Variants in PRELID2 observed in about 807,000 individuals in gnomAD.
The protein encoded by PRELID2 is PRELI domain-containing protein 2.
Under a neutral mutation model 28.4 loss-of-function variants are expected in PRELID2, and 25 were observed. The observed-to-expected ratio is 0.88, with a 90% CI of 0.64 to 1.23. The LOEUF (loss-of-function observed/expected upper bound fraction) is 1.23, where lower values mean the gene tolerates loss of function less well. PRELID2 is among the 50% of genes most tolerant of loss of function. PRELID2 has a pLI of 0.00. For missense variants in PRELID2, 201 were observed against 214.4 expected (o/e 0.94, Z 0.39); for synonymous variants, 76 against 71.6 (o/e 1.06, Z -0.31).
At chr5:145,659,277 T>C (rs757477076) in intron 1 of PRELID2, among the ~76,000 whole-genome samples, 6 of 152,222 alleles carry the variant, frequency 3.9e-5, no homozygotes, top group Non-Finnish European at 7.3e-5. Flanking sequence ...ATCTCATTGA[T>C]TCCATCTGGA....
chr5:145,436,619 G>A, the PRELID2 span, among the ~76,000 whole-genome samples: 16 of 152,002 alleles, frequency 1.1e-4, no homozygotes, highest in South Asian at 2.1e-4. Flanking sequence ...TGTTTTTTAC[G>A]TTTTAATAAT....
the PRELID2 span, among the ~76,000 whole-genome samples, chr5:145,251,450 C>A: frequency 1.3e-5 from 2 of 150,934 alleles, no homozygotes; most frequent in Non-Finnish European, 2.9e-5. Flanking sequence ...TGGAAGCTCT[C>A]AGGGGTCTTG....
the PRELID2 span, among the ~76,000 whole-genome samples, chr5:145,450,088 C>T: frequency 1.1e-4 from 17 of 152,232 alleles, no homozygotes; most frequent in African/African-American, 3.4e-4. Flanking sequence ...TAAAAAGCTG[C>T]GCCTGAGCAA....
intron 1 of PRELID2, among the ~76,000 whole-genome samples, chr5:145,540,541 C>T (rs1412780473): frequency 6.6e-6 from 1 of 151,580 alleles, no homozygotes; most frequent in Non-Finnish European, 1.5e-5. Context: ...CTAGGAAGTA[C>T]GAGTAACCAA....
At chr5:145,526,352 A>G (rs905200513) in intron 1 of PRELID2, among the ~76,000 whole-genome samples, 3 of 152,130 alleles carry the variant, frequency 2.0e-5, no homozygotes, top group Non-Finnish European at 4.4e-5. Context: ...GGGACACAAA[A>G]CCTGTAGTGA....
chr5:145,392,299 A>C, the PRELID2 span, among the ~76,000 whole-genome samples: 11 of 152,276 alleles, frequency 7.2e-5, no homozygotes, highest in East Asian at 2.1e-3. Context: ...TGTCTTCTTC[A>C]CAAGGCAGCA....
At chr5:145,263,071 G>A in the PRELID2 span, among the ~76,000 whole-genome samples, 1 of 151,692 alleles carries the variant, frequency 6.6e-6, no homozygotes, top group Non-Finnish European at 1.5e-5. Context: ...AACTTTAACA[G>A]CAGTTAAAAA....
At chr5:145,471,879 C>T (rs1273015507) in exon 3 of PRELID2, 2 of 152,114 alleles carry the variant, frequency 1.3e-5, no homozygotes, top group Non-Finnish European at 2.9e-5. Flanking sequence ...GCTGGAGGAG[C>T]CAGCTCCACA....
At chr5:145,522,368 T>G (rs1199564037) in intron 1 of PRELID2, among the ~76,000 whole-genome samples, 1 of 151,922 alleles carries the variant, frequency 6.6e-6, no homozygotes, top group Non-Finnish European at 1.5e-5. Flanking sequence ...TTATTGGTTA[T>G]CACTGTGTAT....
chr5:145,476,560 G>A (rs895759322), intron 1 of PRELID2, among the ~76,000 whole-genome samples: 3 of 151,974 alleles, frequency 2.0e-5, no homozygotes, highest in African/African-American at 4.8e-5. Flanking sequence ...CAGGAGAATC[G>A]CCTGAACCCC....
At chr5:145,274,366 G>A in the PRELID2 span, among the ~76,000 whole-genome samples, 1 of 152,116 alleles carries the variant, frequency 6.6e-6, no homozygotes, top group Admixed American at 6.6e-5. Flanking sequence ...AGTCATTACT[G>A]CTGATTAAAT....
In PRELID2 at chr5:145,595,636, G is replaced by GAA. The variant is rs1343627459; in HGVS notation, n.71-122323_71-122322dup. 6.6e-5 allele frequency among the ~76,000 whole-genome samples: 10 copies of GAA among 152,156 alleles called. No individual in the cohort carries two copies. The East Asian group carries it at 1.9e-3, about 30-fold the overall frequency. On this transcript the variant is annotated intron_variant and non_coding_transcript_variant, in intron 1 of 2. Coordinates refer to the PRELID2 transcript ENST00000510259. Reference sequence around the variant, plus strand: ...TAGAAAAATAAAACTTCAGACTACTGAAACCTGCTTGGACTCTCAGGTTTT... The same window carrying GAA: ...TAGAAAAATAAAACTTCAGACTACTGAAAAACCTGCTTGGACTCTCAGGTTTT...
At chr5:145,466,797 A>G in the PRELID2 span, among the ~76,000 whole-genome samples, 1 of 152,066 alleles carries the variant, frequency 6.6e-6, no homozygotes, top group South Asian at 2.1e-4. Flanking sequence ...AGGGCCGCCC[A>G]GGCCTTCTTA....
intron 1 of PRELID2, among the ~76,000 whole-genome samples, chr5:145,509,775 G>A (rs1752445112): frequency 6.6e-6 from 1 of 152,074 alleles, no homozygotes; most frequent in Non-Finnish European, 1.5e-5. Flanking sequence ...TAATATTGAG[G>A]AAATGGTTGC....
chr5:145,817,202 A>AAAAAAAT (rs1341052896), intron 4 of PRELID2, among the ~76,000 whole-genome samples: 4 of 51,388 alleles, frequency 7.8e-5, no homozygotes, highest in African/African-American at 1.6e-4. Flanking sequence ...AAAAAAAATA[A>AAAAAAAT]ATAAATAAAT....
intron 1 of PRELID2, among the ~76,000 whole-genome samples, chr5:145,530,517 C>G (rs1752646576): frequency 6.6e-6 from 1 of 151,830 alleles, no homozygotes; most frequent in Admixed American, 6.6e-5. Context: ...TAGAGAGAGA[C>G]AGGAAGGACG....
intron 1 of PRELID2, among the ~76,000 whole-genome samples, chr5:145,680,702 G>A (rs1038999868): frequency 2.0e-5 from 3 of 152,154 alleles, no homozygotes; most frequent in African/African-American, 7.2e-5. Flanking sequence ...TGGTTCCTGG[G>A]TGTAGCCCCT....
intron 1 of PRELID2, among the ~76,000 whole-genome samples, chr5:145,684,570 G>A (rs1391676430): frequency 2.0e-5 from 3 of 152,184 alleles, no homozygotes; most frequent in African/African-American, 7.2e-5. Context: ...AATCCTCATA[G>A]TTGTTCTGTT....
intron 1 of PRELID2, among the ~76,000 whole-genome samples, chr5:145,592,376 C>T (rs140704187): frequency 1.3e-5 from 2 of 152,018 alleles, no homozygotes; most frequent in South Asian, 2.1e-4. Context: ...GCCAAGATCA[C>T]GCCACTGCAC....
Sources: allele counts gnomAD v4.1 joint callset (sites outside exome capture counted in the v4.1 genomes callset), GRCh38; gene constraint gnomAD v4.1.1; transcripts MANE v1.5; gene names NCBI Gene and HGNC (gene_info 2026-07-23, HGNC 2026-07-21).